Variants in PTPRD observed in about 807,000 individuals in gnomAD.
PTPRD encodes receptor-type tyrosine-protein phosphatase delta.
A neutral mutation model predicts 214.5 loss-of-function variants in PTPRD; 34 were observed. The ratio of observed to expected loss-of-function variants is 0.16; its 90% CI spans 0.12 to 0.21. PTPRD has a LOEUF of 0.21. Among genes scored for constraint, PTPRD ranks in the 10% least tolerant of loss-of-function variants. The pLI is 1.00. For synonymous variants in PTPRD, 1,128 were observed against 845.7 expected, an observed-to-expected ratio of 1.33 and a Z score of -5.79; for missense variants, 2,545 against 2,398.7, an observed-to-expected ratio of 1.06 and a Z score of -1.27.
intron 5 of PTPRD, among the ~76,000 whole-genome samples, chr9:9,902,620 C>G (rs1566142218): frequency 6.6e-6 from 1 of 152,240 alleles, no homozygotes; most frequent in Non-Finnish European, 1.5e-5. Context: ...ACCTGACTAG[C>G]ACCATGTATC....
At chr9:10,344,007 T>G (rs1448791818) in intron 2 of PTPRD, among the ~76,000 whole-genome samples, 2,075 of 139,358 alleles carry the variant, frequency 0.015, 10 homozygotes, top group Non-Finnish European at 0.026. Flanking sequence ...TTTTTTTTTT[T>G]GCTGTGCAGA....
intron 2 of PTPRD, among the ~76,000 whole-genome samples, chr9:10,480,209 G>A (rs962536335): frequency 6.6e-6 from 1 of 152,098 alleles, no homozygotes; most frequent in African/African-American, 2.4e-5. Flanking sequence ...GGCCCAACTT[G>A]GTTTGTCCCC....
At chr9:9,598,634 T>C (rs978213843) in intron 7 of PTPRD, among the ~76,000 whole-genome samples, 4 of 152,096 alleles carry the variant, frequency 2.6e-5, no homozygotes, top group South Asian at 4.1e-4. Context: ...TAAAGAAGTC[T>C]TACAATTTTT....
intron 4 of PTPRD, among the ~76,000 whole-genome samples, chr9:9,985,616 A>C (rs1320907380): frequency 2.0e-5 from 3 of 152,130 alleles, no homozygotes; most frequent in East Asian, 1.9e-4. Context: ...AGGAACTTTA[A>C]ATACTTATTG....
rs555494941 is a variant in PTPRD, at chr9:9,078,201, T to C, written c.-142-59466A>G. 2.6e-3 allele frequency among the ~76,000 whole-genome samples: 402 copies of C among 152,262 alleles called. 2 individuals carry two copies. The highest frequency in any genetic ancestry group is 9.0e-3 in the African/African-American group (375 of 41,576). On this transcript the variant is annotated intron_variant, in intron 10 of 45. Coordinates refer to ENST00000381196, the MANE Select transcript of PTPRD (RefSeq NM_002839.4). ...AATGTCTGCAAGACATAACATTATG[T>C]AAACGTCATTAATTATTAAATTTAG...
chr9:10,208,452 T>C (rs1424324845), intron 3 of PTPRD, among the ~76,000 whole-genome samples: 5 of 152,182 alleles, frequency 3.3e-5, no homozygotes, highest in African/African-American at 1.2e-4. Context: ...AGGCGGAGCT[T>C]GCAGTGAACG....
intron 3 of PTPRD, among the ~76,000 whole-genome samples, chr9:10,288,243 A>T (rs1272700508): frequency 1.3e-5 from 2 of 151,848 alleles, no homozygotes; most frequent in East Asian, 3.9e-4. Context: ...AATTAACTTA[A>T]AGCTTCCATA....
At chr9:10,159,149 A>G (rs1052428646) in intron 3 of PTPRD, among the ~76,000 whole-genome samples, 5 of 152,090 alleles carry the variant, frequency 3.3e-5, no homozygotes, top group Non-Finnish European at 1.5e-5. Context: ...TTAAGGTACC[A>G]TCTACTCTCA....
intron 8 of PTPRD, among the ~76,000 whole-genome samples, chr9:9,405,601 C>A (rs1490612011): frequency 6.6e-6 from 1 of 151,954 alleles, no homozygotes; most frequent in Non-Finnish European, 1.5e-5. Context: ...AGGACTTGTG[C>A]TTTAGCTAAG....
chr9:10,283,652 T>C (rs1397744635), intron 3 of PTPRD, among the ~76,000 whole-genome samples: 1 of 152,190 alleles, frequency 6.6e-6, no homozygotes, highest in African/African-American at 2.4e-5. Context: ...TCTCCATTGA[T>C]ATAGGTGAAA....
At chr9:8,663,948 CTG>C (rs2097121739) in intron 12 of PTPRD, among the ~76,000 whole-genome samples, 1 of 151,118 alleles carries the variant, frequency 6.6e-6, no homozygotes, top group African/African-American at 2.4e-5. Flanking sequence ...TTTTAAATCA[CTG>C]TGTTTCCCAA....
chr9:9,294,713 C>T (rs1952414030), intron 9 of PTPRD, among the ~76,000 whole-genome samples: 1 of 151,658 alleles, frequency 6.6e-6, no homozygotes, highest in African/African-American at 2.4e-5. Flanking sequence ...ACACCCTGAT[C>T]TTAGACTTCT....
At chr9:8,836,981 T>C (rs1390104070) in intron 11 of PTPRD, among the ~76,000 whole-genome samples, 3 of 149,124 alleles carry the variant, frequency 2.0e-5, no homozygotes, top group East Asian at 2.0e-4. Context: ...CCCCCCACCA[T>C]TTGGGGAAGA....
chr9:8,948,706 T>G (rs1365787486), intron 11 of PTPRD, among the ~76,000 whole-genome samples: 1 of 147,964 alleles, frequency 6.8e-6, no homozygotes, highest in Non-Finnish European at 1.5e-5. Context: ...CTTTTAATAA[T>G]AGGACACGTA....
In PTPRD at chr9:9,272,561, G is replaced by A. The variant is rs376745009; in HGVS notation, c.-202-89198C>T. On this transcript the variant is annotated intron_variant, in intron 9 of 45. Transcript: ENST00000381196. ...ACAACTTTAAATGGGGGCGAAGGGCGGTCATCTGATGCCATTATCTTTGCT... is the reference window on the plus strand; with the variant it reads ...ACAACTTTAAATGGGGGCGAAGGGCAGTCATCTGATGCCATTATCTTTGCT... Among the ~76,000 whole-genome samples the A allele has an allele frequency of 2.4e-4, 36 of 151,288 alleles. No individual in the cohort carries two copies. In the South Asian group the frequency reaches 7.1e-3, roughly 30 times the overall value.
chr9:10,566,735 G>A (rs1033567125), intron 2 of PTPRD, among the ~76,000 whole-genome samples: 2 of 151,462 alleles, frequency 1.3e-5, no homozygotes, highest in African/African-American at 2.4e-5. Flanking sequence ...GTTTTTTTGC[G>A]ACTTAAGAAA....
chr9:9,018,066 T>C (rs2099543800), intron 11 of PTPRD, among the ~76,000 whole-genome samples: 1 of 152,190 alleles, frequency 6.6e-6, no homozygotes, highest in African/African-American at 2.4e-5. Context: ...CTGTCGTCTT[T>C]CTTCTTTATT....
intron 8 of PTPRD, among the ~76,000 whole-genome samples, chr9:9,562,211 C>G (rs1314782073): frequency 6.6e-6 from 1 of 152,104 alleles, no homozygotes; most frequent in Non-Finnish European, 1.5e-5. Context: ...AATCCCCAAG[C>G]CATCCTTGAT....
intron 9 of PTPRD, among the ~76,000 whole-genome samples, chr9:9,371,247 T>C (rs930363029): frequency 3.9e-5 from 6 of 152,048 alleles, no homozygotes; most frequent in African/African-American, 1.4e-4. Flanking sequence ...GGTCCTGGAC[T>C]TTTTTTGGTT....
Sources: gnomAD v4.1 joint callset for allele counts (sites outside exome capture counted in the v4.1 genomes callset) on GRCh38, gnomAD v4.1.1 for gene constraint, MANE v1.5 for transcripts, NCBI Gene and HGNC (gene_info 2026-07-23, HGNC 2026-07-21) for gene names.